The following FSTL4 variants were observed in gnomAD, a reference collection of about 807,000 sequenced individuals.
The protein encoded by FSTL4 is follistatin-related protein 4.
Under a neutral mutation model 78.2 loss-of-function variants are expected in FSTL4, and 28 were observed. The observed-to-expected ratio is 0.36, with a 90% CI of 0.27 to 0.49. The LOEUF is 0.49. Ranked by LOEUF, FSTL4 falls within the 20% of genes least tolerant of loss-of-function variation. The pLI is 0.98. For missense variants in FSTL4, 922 were observed against 1,084.9 expected (o/e 0.85, Z 2.11); for synonymous variants, 422 against 440.5 (o/e 0.96, Z 0.53).
intron 4 of FSTL4, among the ~76,000 whole-genome samples, chr5:133,393,818 T>C (rs1314119040): frequency 6.6e-6 from 1 of 152,276 alleles, no homozygotes; most frequent in Non-Finnish European, 1.5e-5. Context: ...TTGGGATGAT[T>C]GAGCCAGCTT....
chr5:133,725,586 G>A, the FSTL4 span, among the ~76,000 whole-genome samples: 1 of 152,122 alleles, frequency 6.6e-6, no homozygotes, highest in Non-Finnish European at 1.5e-5. Flanking sequence ...TCTCACCTCT[G>A]GGTGAGTTGA....
the FSTL4 span, among the ~76,000 whole-genome samples, chr5:133,826,178 C>G: frequency 6.6e-5 from 10 of 152,346 alleles, no homozygotes; most frequent in African/African-American, 2.4e-4. Context: ...GGGCAGCTTG[C>G]GATGTCACCA....
At chr5:133,784,677 C>T in the FSTL4 span, among the ~76,000 whole-genome samples, 1 of 151,880 alleles carries the variant, frequency 6.6e-6, no homozygotes, top group Non-Finnish European at 1.5e-5. Context: ...AAAGATTTTG[C>T]TCTTGCCTAG....
chr5:133,354,614 C>G (rs1754904343), intron 4 of FSTL4, among the ~76,000 whole-genome samples: 2 of 152,372 alleles, frequency 1.3e-5, no homozygotes, highest in African/African-American at 2.4e-5. Flanking sequence ...TTGAACTCAT[C>G]CCTCCTGTGG....
At chr5:133,452,079 G>A (rs1049987761) in intron 3 of FSTL4, among the ~76,000 whole-genome samples, 2 of 152,238 alleles carry the variant, frequency 1.3e-5, no homozygotes, top group African/African-American at 2.4e-5. Flanking sequence ...TGGGGCTGCC[G>A]TGGAGTTCCA....
At chr5:133,618,692 A>C in the FSTL4 span, among the ~76,000 whole-genome samples, 1 of 152,208 alleles carries the variant, frequency 6.6e-6, no homozygotes, top group African/African-American at 2.4e-5. Flanking sequence ...ATTAAGCTCA[A>C]AGAAGTTACC....
At chr5:133,789,310 A>G in the FSTL4 span, among the ~76,000 whole-genome samples, 1 of 152,370 alleles carries the variant, frequency 6.6e-6, no homozygotes, top group Middle Eastern at 3.4e-3. Context: ...TTTGAAGATC[A>G]ATGGTATGGA....
At chr5:133,580,035 G>A (rs1344463715) in intron 2 of FSTL4, among the ~76,000 whole-genome samples, 1 of 152,148 alleles carries the variant, frequency 6.6e-6, no homozygotes, top group African/African-American at 2.4e-5. Context: ...CAGTGCTTAA[G>A]GTCAGGCACA....
chr5:133,375,291 C>CGCATATATATATATATATATATAT (rs1755402251), intron 4 of FSTL4, among the ~76,000 whole-genome samples: 1 of 57,918 alleles, frequency 1.7e-5, no homozygotes, highest in Non-Finnish European at 4.6e-5. Flanking sequence ...GTGTGCATGG[C>CGCATATATATATATATATATATAT]ATATATATAT....
intron 6 of FSTL4, among the ~76,000 whole-genome samples, chr5:133,258,462 T>C (rs1752436304): frequency 6.6e-6 from 1 of 152,240 alleles, no homozygotes; most frequent in South Asian, 2.1e-4. Flanking sequence ...GTCTCACTGC[T>C]GAGCTGTGAC....
chr5:133,758,134 C>T, the FSTL4 span, among the ~76,000 whole-genome samples: 2 of 152,142 alleles, frequency 1.3e-5, no homozygotes, highest in African/African-American at 2.4e-5. Flanking sequence ...GCACTAAGGT[C>T]GATCCTTTAC....
At position 133,225,346 on chromosome 5, in the gene FSTL4, TG is replaced by T; in HGVS notation, c.1178-63del. On this transcript the variant is annotated intron_variant, in intron 9 of 15. Transcript: ENST00000265342. This position sits in a 1 kb window ranked among gnomAD's most constrained non-coding sequence, Gnocchi z 4.6. ...CTGGAGACCCACTCACTTTCCTTTA[TG>T]GGGCCATTGAGAGTGTTAGGGCTGC... 1.2e-6 allele frequency: 2 copies of T among 1,603,040 alleles called. No individual in the cohort carries two copies. The highest frequency in any genetic ancestry group is 8.5e-7 in the Non-Finnish European group (1 of 1,171,076).
intron 3 of FSTL4, among the ~76,000 whole-genome samples, chr5:133,521,838 C>A (rs564005615): frequency 2.0e-5 from 3 of 152,246 alleles, no homozygotes; most frequent in Admixed American, 2.0e-4. Flanking sequence ...AAGAAAGCCG[C>A]TAGATGTTTT....
the FSTL4 span, among the ~76,000 whole-genome samples, chr5:133,654,197 C>T: frequency 8.5e-5 from 13 of 152,322 alleles, no homozygotes; most frequent in African/African-American, 1.7e-4. Context: ...CATGAGCAAA[C>T]GGTGAAACCA....
intron 5 of FSTL4, 93 bp from the exon 6 acceptor site, chr5:133,312,870 G>T: frequency 1.6e-6 from 2 of 1,242,626 alleles, no homozygotes; most frequent in Non-Finnish European, 2.3e-6. Context: ...GGAATCCAGG[G>T]ACAGCTCAGT....
chr5:133,445,887 AAC>A (rs2127006322), intron 3 of FSTL4, among the ~76,000 whole-genome samples: 1 of 152,362 alleles, frequency 6.6e-6, no homozygotes, highest in East Asian at 1.9e-4. Context: ...AAGGTTATAA[AAC>A]ACAGATAATT....
intron 4 of FSTL4, among the ~76,000 whole-genome samples, chr5:133,350,990 C>A (rs1357161487): frequency 6.6e-6 from 1 of 152,168 alleles, no homozygotes; most frequent in East Asian, 1.9e-4. Context: ...CAGGTAACTT[C>A]AAGATTTTGT....
chr5:133,685,769 C>T, the FSTL4 span, among the ~76,000 whole-genome samples: 1 of 152,180 alleles, frequency 6.6e-6, no homozygotes, highest in Non-Finnish European at 1.5e-5. Flanking sequence ...GCAGGCAGGC[C>T]CCAATTCTCT....
the FSTL4 span, among the ~76,000 whole-genome samples, chr5:133,694,579 G>A: frequency 6.6e-6 from 1 of 152,222 alleles, no homozygotes; most frequent in African/African-American, 2.4e-5. Flanking sequence ...ACACACATAA[G>A]CATGAGCTCT....
Sources: allele counts gnomAD v4.1 joint callset (sites outside exome capture counted in the v4.1 genomes callset), GRCh38; gene constraint gnomAD v4.1.1; non-coding constraint Gnocchi (gnomAD v3.1); transcripts MANE v1.5; gene names NCBI Gene and HGNC (gene_info 2026-07-23, HGNC 2026-07-21).